STARD5: variants seen among roughly 807,000 people sequenced by gnomAD.
STARD5 encodes StAR related lipid transfer domain containing 5, also known as stAR-related lipid transfer protein 5.
STARD5 carries 26 observed loss-of-function variants against 24.6 expected under a neutral mutation model. The ratio of observed to expected loss-of-function variants is 1.06; its 90% CI spans 0.77 to 1.47. The LOEUF (loss-of-function observed/expected upper bound fraction) is 1.47. Ranked by LOEUF, STARD5 falls within the 40% of genes most tolerant of loss-of-function variation. STARD5 has a pLI of 0.00. For missense variants in STARD5, 254 were observed against 270.8 expected (o/e 0.94, Z 0.44); for synonymous variants, 101 against 99.7 (o/e 1.01, Z -0.07).
rs963190704 is a variant in STARD5, at chr15:81,324,013, A to G, written c.87T>C (p.Ile29=). ...QYRRDTAGWK[I]CREGNGVSVS... is the part of the protein sequence containing the mutation. Reference sequence around the variant, plus strand: ...GCTCCTCACTCACGCCTTCCCGGCAAATCTTCCAGCCTGCTGTGTCCCGCC... The same window carrying G: ...GCTCCTCACTCACGCCTTCCCGGCAGATCTTCCAGCCTGCTGTGTCCCGCC... Residue 29 remains isoleucine (I), a synonymous_variant, in exon 1 of 6, where the codon ATT becomes ATC. Coordinates refer to ENST00000302824, the MANE Select transcript of STARD5 (RefSeq NM_181900.3). 29 of 1,602,208 alleles carry G rather than the reference A, an allele frequency of 1.8e-5. No homozygotes were observed. Among genetic ancestry groups the G allele is most frequent in the Non-Finnish European group, 2.2e-5 (26 of 1,174,208 alleles).
At chr15:81,317,690 G>C (rs144481352) in intron 5 of STARD5, among the ~76,000 whole-genome samples, 5 of 152,214 alleles carry the variant, frequency 3.3e-5, no homozygotes, top group South Asian at 2.1e-4. Context: ...CTTCCCTCCG[G>C]GTGTCTGTAT....
Position 81,322,437 on chromosome 15 carries a change from C to G in STARD5, c.253G>C (p.Gly85Arg), listed in dbSNP as rs764517194. ...LRVKWDENVT[G>R]FEIIQSITDT... ...GTGATGCTTTGGATAATTTCAAAAC[C>G]GGTCACATTCTCATCCCACTTCACT... Residue 85 changes from glycine (G) to arginine (R), a missense_variant, in exon 3 of 6, where the codon GGT (glycine) becomes CGT (arginine). Physicochemically the swap from Gly to Arg is moderately radical, Grantham distance 125. Coordinates refer to ENST00000302824, the MANE Select transcript of STARD5 (RefSeq NM_181900.3). 1 of 1,614,174 alleles carries G rather than the reference C, an allele frequency of 6.2e-7. No homozygotes were observed. The highest frequency in any genetic ancestry group is 1.7e-5 in the Admixed American group (1 of 60,020).
rs75879176 is a variant in STARD5, at chr15:81,321,835, T to C, written c.282+573A>G. 3.3e-3 allele frequency among the ~76,000 whole-genome samples: 497 copies of C among 152,242 alleles called. 5 individuals are homozygous for C. Among genetic ancestry groups the C allele is most frequent in the African/African-American group, 0.012 (478 of 41,522 alleles). The stretch of plus-strand genomic sequence containing the variant: ...CTTGTTCATGTATTTTAAGTAAAAA[T>C]TTATATATTATTTAGACACATCTAA... On this transcript the variant is annotated intron_variant, in intron 3 of 5. Coordinates refer to ENST00000302824, the MANE Select transcript of STARD5 (RefSeq NM_181900.3).
intron 5 of STARD5, among the ~76,000 whole-genome samples, chr15:81,316,792 G>A (rs1901091772): frequency 1.3e-5 from 2 of 152,208 alleles, no homozygotes; most frequent in African/African-American, 4.8e-5. Context: ...AAGCTTTACA[G>A]AGAACACGTG....
rs771518681 is a variant in STARD5 at position 81,313,736 on chromosome 15, C to A, written c.495-333G>T. The A allele has an allele frequency of 2.8e-5, 5 of 177,492 alleles. No individual in the cohort carries two copies. In the South Asian group the frequency reaches 9.8e-4, roughly 35 times the overall value. 11.0% of individuals were successfully genotyped at this position (177,492 alleles called of 1,614,324 possible). A position where few individuals can be genotyped will look rare whatever the true frequency, so the allele number is the denominator to read the frequency against. On this transcript the variant is annotated intron_variant, in intron 5 of 5. Transcript: ENST00000302824. Reference sequence around the variant, plus strand: ...ACTTTGTGCCAGGCCCTGAGAGGAACGAAGAGATGCTGCCCTTCACTATTT... The same window carrying A: ...ACTTTGTGCCAGGCCCTGAGAGGAAAGAAGAGATGCTGCCCTTCACTATTT...
At chr15:81,321,588 G>A (rs541429252) in intron 3 of STARD5, among the ~76,000 whole-genome samples, 5 of 140,744 alleles carry the variant, frequency 3.6e-5, no homozygotes, top group East Asian at 4.2e-4. Flanking sequence ...CCAGCCTAGC[G>A]ACAGAGTGAG....
At chr15:81,321,020 T>G (rs1394474515) in intron 3 of STARD5, among the ~76,000 whole-genome samples, 1 of 152,204 alleles carries the variant, frequency 6.6e-6, no homozygotes, top group Non-Finnish European at 1.5e-5. Context: ...AAGAGCCCTT[T>G]CTCCACATTT....
At chr15:81,317,306 C>T (rs1171896063) in intron 5 of STARD5, among the ~76,000 whole-genome samples, 2 of 152,140 alleles carry the variant, frequency 1.3e-5, no homozygotes, top group Non-Finnish European at 2.9e-5. Context: ...GGGATTCAGC[C>T]CCTCAGAAGG....
chr15:81,318,776 A>G (rs1335168507), intron 4 of STARD5, among the ~76,000 whole-genome samples: 2 of 152,206 alleles, frequency 1.3e-5, no homozygotes, highest in Non-Finnish European at 2.9e-5. Context: ...ACACATAAAC[A>G]TGCACATAGC....
Position 81,310,737 on chromosome 15 carries a change from G to C in STARD5, c.*2519C>G, listed in dbSNP as rs766491696. The C allele has an allele frequency of 1.3e-5, 2 of 152,190 alleles. No individual in the cohort carries two copies. The highest frequency in any genetic ancestry group is 2.9e-5 in the Non-Finnish European group (2 of 68,084). The allele number at this position is 152,190 out of a possible 1,614,324, so 9.4% of individuals were successfully genotyped here. A position where few individuals can be genotyped will look rare whatever the true frequency, so the allele number is the denominator to read the frequency against. On this transcript the variant is annotated 3_prime_UTR_variant, in exon 6 of 6. Coordinates refer to ENST00000302824, the MANE Select transcript of STARD5 (RefSeq NM_181900.3). ...GTTTTAAGTCTTATCAAGCAGCCAA[G>C]GGATGAAAGAGAAGGTGGGTTTTCA...
At position 81,319,421 on chromosome 15, in the gene STARD5, A is replaced by T. The variant is rs781457686; in HGVS notation, c.318T>A (p.Ala106=). 1.9e-6 allele frequency: 3 copies of T among 1,614,102 alleles called. No individual in the cohort carries two copies. Among genetic ancestry groups the T allele is most frequent in the Non-Finnish European group, 2.5e-6 (3 of 1,180,042 alleles). The change falls in exon 4 of 6, where the codon GCT becomes GCA. Residue 106 remains alanine, a synonymous_variant. Coordinates refer to ENST00000302824, the MANE Select transcript of STARD5 (RefSeq NM_181900.3). ...CTCTGGGAGAAATGAGCTTCATGGC[A>T]GCGGAGGGAGTGGAGGTTCTGCTTA... The part of the protein sequence containing the change: ...LCVSRTSTPS[A]AMKLISPRDF...
Position 81,313,393 on chromosome 15 carries a change from T to G in STARD5, c.505A>C (p.Lys169Gln). 6.4e-7 allele frequency: 1 copy of G among 1,552,328 alleles called. No homozygotes were observed. The highest frequency in any genetic ancestry group is 8.7e-7 in the Non-Finnish European group (1 of 1,147,436). Residue 169 changes from lysine (K) to glutamine (Q), a missense_variant, in exon 6 of 6, where the codon AAG (lysine) becomes CAG (glutamine). Lys to Gln is a moderately conservative substitution (Grantham distance 53). Coordinates refer to ENST00000302824, the MANE Select transcript of STARD5 (RefSeq NM_181900.3). Reference protein sequence around the residue: ...FCEPLPGEPTKTNLVTFFHTD... With the variant: ...FCEPLPGEPTQTNLVTFFHTD... Reference sequence around the variant, plus strand: ...TGGAAGAATGTGACCAGGTTGGTCTTGGTGGGTTCCCTGTGAAGGCAACAG... The same window carrying G: ...TGGAAGAATGTGACCAGGTTGGTCTGGGTGGGTTCCCTGTGAAGGCAACAG...
In STARD5 at chr15:81,313,260, TCA is replaced by T; in HGVS notation, c.636_637del (p.His212GlnfsTer14). 6 of 1,566,666 alleles carry T rather than the reference TCA, an allele frequency of 3.8e-6. No individual in the cohort carries two copies. Among genetic ancestry groups the T allele is most frequent in the Non-Finnish European group, 5.2e-6 (6 of 1,155,826 alleles). ...TGCCAAGAAGTAACGATAGCATTAC[TCA>T]TGGAATTGCTTCACTGCTTTCTGAA... On this transcript the variant is annotated frameshift_variant, in exon 6 of 6. Transcript: ENST00000302824. LOFTEE classifies it high-confidence loss of function.
chr15:81,315,929 C>T (rs1413535086), intron 5 of STARD5, among the ~76,000 whole-genome samples: 1 of 152,154 alleles, frequency 6.6e-6, no homozygotes, highest in African/African-American at 2.4e-5. Flanking sequence ...CAGACCATGT[C>T]CTGCTCAGGC....
chr15:81,321,490 G>A (rs1467438173), intron 3 of STARD5, among the ~76,000 whole-genome samples: 1 of 151,730 alleles, frequency 6.6e-6, no homozygotes, highest in Non-Finnish European at 1.5e-5. Context: ...TGCCCCTGTA[G>A]TCCCAGCTAC....
At position 81,311,319 on chromosome 15, in the gene STARD5, C is replaced by G. The variant is rs956776285; in HGVS notation, c.*1937G>C. ...GATTCATACATTATCTCACTTGTGC[C>G]AACACTCAAGAAGCAGGCTACACTG... On this transcript the variant is annotated 3_prime_UTR_variant, in exon 6 of 6. Coordinates refer to ENST00000302824, the MANE Select transcript of STARD5 (RefSeq NM_181900.3). The G allele has an allele frequency of 1.3e-5, 2 of 152,212 alleles. No homozygotes were observed. Among genetic ancestry groups the G allele is most frequent in the African/African-American group, 2.4e-5 (1 of 41,448 alleles). 9.4% of individuals were successfully genotyped at this position (152,212 alleles called of 1,614,324 possible). A position where few individuals can be genotyped will look rare whatever the true frequency, so the allele number is the denominator to read the frequency against.
rs1596063879 is a variant in STARD5 at position 81,309,079 on chromosome 15, T to C, written c.*4177A>G. The C allele has an allele frequency of 2.9e-6, 1 of 345,286 alleles. No homozygotes were observed. Among genetic ancestry groups the C allele is most frequent in the East Asian group, 4.8e-5 (1 of 20,742 alleles). The allele number at this position is 345,286 out of a possible 1,614,324, so 21.4% of individuals were successfully genotyped here. On this transcript the variant is annotated 3_prime_UTR_variant, in exon 6 of 6. Coordinates refer to ENST00000302824, the MANE Select transcript of STARD5 (RefSeq NM_181900.3). ...TGTGGTGCCACAAATAAAATGGATTTATTAGAATTTCATATGACATTCATG... is the reference window on the plus strand; with the variant it reads ...TGTGGTGCCACAAATAAAATGGATTCATTAGAATTTCATATGACATTCATG...
chr15:81,322,906 C>T lies in STARD5; in HGVS notation c.142G>A (p.Gly48Arg), dbSNP rs1173602908. 1.9e-6 allele frequency: 3 copies of T among 1,614,046 alleles called. No homozygotes were observed. Among genetic ancestry groups the T allele is most frequent in the African/African-American group, 2.7e-5 (2 of 74,924 alleles). Residue 48 changes from glycine to arginine, a missense_variant, in exon 2 of 6, where the codon GGG (glycine) becomes AGG (arginine). By Grantham distance (125) the Gly-to-Arg change is moderately radical (BLOSUM62 -2). Coordinates refer to ENST00000302824, the MANE Select transcript of STARD5 (RefSeq NM_181900.3). ...AACGAGGCATGCACTTACAGGTTCCCTGGAAACTCCACAGATGGCCTCCAG... is the reference window on the plus strand; with the variant it reads ...AACGAGGCATGCACTTACAGGTTCCTTGGAAACTCCACAGATGGCCTCCAG... ...VSWRPSVEFP[G>R]NLYRGEGIVY...
intron 5 of STARD5, among the ~76,000 whole-genome samples, chr15:81,317,303 A>C (rs1901105113): frequency 6.6e-6 from 1 of 152,050 alleles, no homozygotes; most frequent in Non-Finnish European, 1.5e-5. Flanking sequence ...AATGGGATTC[A>C]GCCCCTCAGA....
Sources: allele counts gnomAD v4.1 joint callset (sites outside exome capture counted in the v4.1 genomes callset), GRCh38; gene constraint gnomAD v4.1.1; transcripts MANE v1.5; gene names NCBI Gene and HGNC (gene_info 2026-07-23, HGNC 2026-07-21).